ABCA8: variants seen among roughly 807,000 people sequenced by gnomAD.
ABCA8 encodes ABC-type organic anion transporter ABCA8.
In ABCA8, 177 loss-of-function variants were observed where a neutral mutation model predicts 192.3. The ratio of observed to expected loss-of-function variants is 0.92; its 90% confidence interval spans 0.81 to 1.04. ABCA8 has a LOEUF of 1.04. Among genes scored for constraint, ABCA8 ranks in the 50% least tolerant of loss-of-function variants. The pLI is 0.00. For synonymous variants in ABCA8, 642 were observed against 690.2 expected (o/e 0.93, Z 1.09); for missense variants, 1,915 against 1,904.8 (o/e 1.01, Z -0.10).
At chr17:68,902,901 A>G in intron 20 of ABCA8, 22 bp from the exon 21 acceptor site, 3 of 1,595,798 alleles carry the variant, frequency 1.9e-6, no homozygotes, top group East Asian at 2.2e-5. Context: ...AAAATTGCCA[A>G]AATGAATGCA....
intron 23 of ABCA8, among the ~76,000 whole-genome samples, chr17:68,891,975 A>G (rs1248429252): frequency 2.0e-5 from 3 of 152,190 alleles, no homozygotes; most frequent in African/African-American, 7.2e-5. Flanking sequence ...AAAATATCCA[A>G]CATTTTATGG....
intron 38 of ABCA8, 40 bp downstream of exon 38, chr17:68,869,660 T>C: frequency 7.7e-7 from 1 of 1,292,860 alleles, no homozygotes; most frequent in Non-Finnish European, 1.1e-6. Context: ...TTTGAAATTA[T>C]CTTCTTTCCA....
At chr17:68,943,348 T>A (rs2068287675) in intron 2 of ABCA8, among the ~76,000 whole-genome samples, 1 of 152,216 alleles carries the variant, frequency 6.6e-6, no homozygotes, top group Non-Finnish European at 1.5e-5. Flanking sequence ...TCCATATATA[T>A]GATCTCCGTG....
chr17:68,904,281 CA>C (rs112404597), intron 19 of ABCA8, among the ~76,000 whole-genome samples: 2 of 139,040 alleles, frequency 1.4e-5, no homozygotes, highest in South Asian at 2.3e-4. Flanking sequence ...GACTCCATCT[CA>C]AAAAAAAGAA....
At chr17:68,895,034 T>C (rs753422308) in intron 21 of ABCA8, 21 bp from the exon 22 acceptor site, 9 of 1,562,326 alleles carry the variant, frequency 5.8e-6, no homozygotes, top group East Asian at 4.6e-5. Context: ...GTTAAAGATA[T>C]TAGGTATCAC....
Position 68,877,512 on chromosome 17 carries a change from T to G in ABCA8, c.4199+7A>C. 1 of 1,611,470 alleles carries G rather than the reference T, an allele frequency of 6.2e-7. No individual in the cohort carries two copies. Among genetic ancestry groups the G allele is most frequent in the Non-Finnish European group, 8.5e-7 (1 of 1,178,518 alleles). ...GGGTATAGAACAGATGTGGCTCCTC[T>G]GTGTACCGTGTGATGGCAACCTCAG... On this transcript the variant is annotated splice_region_variant and intron_variant, in intron 33 of 39. Transcript: ENST00000586539.
chr17:68,874,815 T>G (rs562539930), intron 37 of ABCA8, among the ~76,000 whole-genome samples: 30 of 152,348 alleles, frequency 2.0e-4, no homozygotes, highest in South Asian at 4.1e-4. Flanking sequence ...TACATAAAAT[T>G]GGAAATGTTA....
chr17:68,933,872 A>C (rs558095601), intron 5 of ABCA8, among the ~76,000 whole-genome samples: 5 of 152,186 alleles, frequency 3.3e-5, no homozygotes, highest in Non-Finnish European at 7.4e-5. Flanking sequence ...TTAAATGCAT[A>C]TTACATGAAA....
chr17:68,936,702 G>A (rs1472904856), intron 5 of ABCA8, among the ~76,000 whole-genome samples: 1 of 151,812 alleles, frequency 6.6e-6, no homozygotes, highest in Non-Finnish European at 1.5e-5. Context: ...GTGTACATAT[G>A]AATACATATT....
rs1273408590 is a variant in ABCA8, at chr17:68,876,693, C to T, written c.4210G>A (p.Ala1404Thr). The T allele has an allele frequency of 6.2e-7, 1 of 1,614,050 alleles. No individual in the cohort carries two copies. Among genetic ancestry groups the T allele is most frequent in the Non-Finnish European group, 8.5e-7 (1 of 1,180,040 alleles). Residue 1404 changes from alanine (A) to threonine (T), a missense_variant, in exon 34 of 40, where the codon GCG becomes ACG. Transcript: ENST00000586539. Reference sequence around the variant, plus strand: ...TTCAGCTGGTCCTGCAGCTTGAGCGCATCCACTAACCTGAAGGAAACAGGA... The same window carrying T: ...TTCAGCTGGTCCTGCAGCTTGAGCGTATCCACTAACCTGAAGGAAACAGGA... ...AEVAITRLVD[A>T]LKLQDQLKSP...
chr17:68,922,417 C>T (rs1479545954), intron 11 of ABCA8, 117 bp from the exon 12 acceptor site: 2 of 698,648 alleles, frequency 2.9e-6, no homozygotes, highest in African/African-American at 1.8e-5. Flanking sequence ...TGGGTCTTCA[C>T]TCTCACACAG....
chr17:68,874,072 G>A (rs2066139403), intron 37 of ABCA8, among the ~76,000 whole-genome samples: 1 of 152,156 alleles, frequency 6.6e-6, no homozygotes, highest in Non-Finnish European at 1.5e-5. Flanking sequence ...GGAAGGGAGT[G>A]TAATACTCAG....
rs768947407 is a variant in ABCA8, at chr17:68,887,083, G to A, written c.3363C>T (p.Tyr1121=). 50 of 1,612,588 alleles carry A rather than the reference G, an allele frequency of 3.1e-5. No homozygotes were observed. The highest frequency in any genetic ancestry group is 1.6e-4 in the Middle Eastern group (1 of 6,078). Residue 1121 remains tyrosine, a synonymous_variant, in exon 26 of 40, where the codon TAC becomes TAT. Transcript: ENST00000586539. The part of the protein sequence containing the change: ...GYSFSLIFMT[Y]VISFIFRKGR... Reference sequence around the variant, plus strand: ...CCTTGCGAAAGATGAAGGAAATCACGTATGTCATGAAGATGAGGGAAAAGG... The same window carrying A: ...CCTTGCGAAAGATGAAGGAAATCACATATGTCATGAAGATGAGGGAAAAGG...
chr17:68,881,723 C>A, intron 31 of ABCA8, 140 bp downstream of exon 31: 2 of 674,448 alleles, frequency 3.0e-6, no homozygotes, highest in Non-Finnish European at 5.3e-6. Flanking sequence ...AGAAATGAAA[C>A]ATACAAAGGA....
intron 18 of ABCA8, among the ~76,000 whole-genome samples, chr17:68,907,038 A>G (rs2067085504): frequency 1.3e-5 from 2 of 152,148 alleles, no homozygotes; most frequent in African/African-American, 4.8e-5. Flanking sequence ...GGTAGAAAAG[A>G]AGTAAGATTT....
At chr17:68,910,782 A>G (rs1187904551) in intron 17 of ABCA8, among the ~76,000 whole-genome samples, 4 of 152,204 alleles carry the variant, frequency 2.6e-5, no homozygotes, top group Non-Finnish European at 2.9e-5. Context: ...CAGAGTTCTG[A>G]GGACCCCATT....
chr17:68,916,322 A>C (rs964322652), intron 17 of ABCA8, among the ~76,000 whole-genome samples: 1 of 152,156 alleles, frequency 6.6e-6, no homozygotes, highest in African/African-American at 2.4e-5. Context: ...GACTATATTA[A>C]TATTGCAATA....
chr17:68,901,529 C>T (rs577204070), intron 21 of ABCA8, among the ~76,000 whole-genome samples: 7 of 152,206 alleles, frequency 4.6e-5, no homozygotes, highest in East Asian at 1.9e-4. Flanking sequence ...GATGTGAGGC[C>T]GGGCGCGGTG....
chr17:68,917,379 C>T lies in ABCA8; in HGVS notation c.2120G>A (p.Gly707Glu), dbSNP rs763675269. The part of the protein sequence containing the change: ...GSSLFLKKKW[G>E]IGYHLSLQLN... ...ACCTTACCTTAAGTGATATCCAATC[C>T]CCCATTTCTTCTTTAGAAACAAAGA... Residue 707 changes from glycine (G) to glutamate (E), a missense_variant, in exon 17 of 40, where the codon GGG becomes GAG. Gly to Glu is a moderately conservative substitution (Grantham distance 98). Coordinates refer to ENST00000586539, the MANE Select transcript of ABCA8 (RefSeq NM_001288985.2). 6.2e-7 allele frequency: 1 copy of T among 1,610,340 alleles called. No individual in the cohort carries two copies. Among genetic ancestry groups the T allele is most frequent in the East Asian group, 2.2e-5 (1 of 44,776 alleles).
Sources: gnomAD v4.1 joint callset for allele counts (sites outside exome capture counted in the v4.1 genomes callset) on GRCh38, gnomAD v4.1.1 for gene constraint, MANE v1.5 for transcripts, NCBI Gene and HGNC (gene_info 2026-07-23, HGNC 2026-07-21) for gene names.